The following NDC1 variants were observed in gnomAD, a reference collection of about 807,000 sequenced individuals.
The protein encoded by NDC1 is NDC1 transmembrane nucleoporin.
NDC1 carries 24 observed loss-of-function variants against 89.8 expected under a neutral mutation model. The observed-to-expected ratio is 0.27, with a 90% CI of 0.19 to 0.38. The LOEUF (loss-of-function observed/expected upper bound fraction) is 0.38. Ranked by LOEUF, NDC1 falls within the 10% of genes least tolerant of loss-of-function variation. The pLI is 1.00. For synonymous variants in NDC1, 296 were observed against 284.8 expected, an observed-to-expected ratio of 1.04 and a Z score of -0.39; for missense variants, 728 against 797.6, an observed-to-expected ratio of 0.91 and a Z score of 1.05.
intron 14 of NDC1, among the ~76,000 whole-genome samples, chr1:53,790,631 C>T (rs1247412853): frequency 6.6e-6 from 1 of 151,726 alleles, no homozygotes; most frequent in Non-Finnish European, 1.5e-5. Flanking sequence ...CGCTTGAACC[C>T]GGGAGGCAGA....
rs1647731135 is a variant in NDC1, at chr1:53,797,000, A to T, written c.1367T>A (p.Met456Lys). 1 of 1,614,160 alleles carries T rather than the reference A, an allele frequency of 6.2e-7. No individual in the cohort carries two copies. Among genetic ancestry groups the T allele is most frequent in the East Asian group, 2.2e-5 (1 of 44,890 alleles). Residue 456 changes from methionine to lysine, a missense_variant, in exon 12 of 18, where the codon ATG (methionine) becomes AAG (lysine). By Grantham distance (95) the Met-to-Lys change is moderately conservative (BLOSUM62 -1). Transcript: ENST00000371429. ...ATCAAAAATTCCAGCCATCCGATTC[A>T]TTACACTAGAGCCAAATGGGGTCCC... ...PFGTPFGSSV[M>K]NRMAGIFDVN...
At chr1:53,824,691 A>G (rs1002313014) in intron 5 of NDC1, among the ~76,000 whole-genome samples, 6 of 152,348 alleles carry the variant, frequency 3.9e-5, no homozygotes, top group African/African-American at 1.4e-4. Flanking sequence ...TCTCAGTTCC[A>G]GGAATGACTC....
intron 5 of NDC1, among the ~76,000 whole-genome samples, chr1:53,821,331 C>T (rs566464482): frequency 7.2e-5 from 11 of 152,108 alleles, no homozygotes; most frequent in Non-Finnish European, 1.5e-4. Flanking sequence ...GCAATCCCAG[C>T]TCTTTGGAAG....
intron 4 of NDC1, among the ~76,000 whole-genome samples, chr1:53,826,766 T>C (rs1439084213): frequency 2.0e-5 from 3 of 152,080 alleles, no homozygotes; most frequent in Admixed American, 2.0e-4. Flanking sequence ...GGCACACAGG[T>C]TGTAGGCCTG....
chr1:53,835,247 T>C (rs1028953789), intron 2 of NDC1, among the ~76,000 whole-genome samples: 6 of 152,186 alleles, frequency 3.9e-5, no homozygotes, highest in African/African-American at 1.4e-4. Flanking sequence ...AAACTAAGTT[T>C]TCATTTATGG....
intron 11 of NDC1, among the ~76,000 whole-genome samples, chr1:53,799,357 T>C (rs912197511): frequency 1.3e-5 from 2 of 152,326 alleles, no homozygotes; most frequent in Admixed American, 1.3e-4. Flanking sequence ...AAGTATTTGT[T>C]GAATAGAGGA....
intron 15 of NDC1, among the ~76,000 whole-genome samples, chr1:53,788,887 ACT>A (rs1334525136): frequency 6.6e-6 from 1 of 150,918 alleles, no homozygotes; most frequent in Non-Finnish European, 1.5e-5. Context: ...ACAGAGCAAA[ACT>A]CTGTCTCCAA....
In NDC1 at chr1:53,781,177, T is replaced by C. The variant is rs541836419; in HGVS notation, c.1800+5981A>G. 1.1e-4 allele frequency among the ~76,000 whole-genome samples: 16 copies of C among 152,230 alleles called. No homozygotes were observed. In the East Asian group the frequency reaches 1.7e-3, roughly 17 times the overall value. ...AGCCAAAAAAATTTTAATTATAAAATATATCATTTTGGTTCCTAACATTTT... is the reference window on the plus strand; with the variant it reads ...AGCCAAAAAAATTTTAATTATAAAACATATCATTTTGGTTCCTAACATTTT... On this transcript the variant is annotated intron_variant, in intron 16 of 17. Transcript: ENST00000371429.
intron 3 of NDC1, among the ~76,000 whole-genome samples, chr1:53,828,689 G>C (rs1648957247): frequency 6.6e-6 from 1 of 151,980 alleles, no homozygotes; most frequent in Non-Finnish European, 1.5e-5. Context: ...TTGGCTCACT[G>C]CAACCTCTGC....
At chr1:53,824,754 C>G (rs1648789000) in intron 5 of NDC1, among the ~76,000 whole-genome samples, 2 of 152,216 alleles carry the variant, frequency 1.3e-5, no homozygotes, top group Non-Finnish European at 2.9e-5. Context: ...TACTCTACCA[C>G]TCAAACCAGC....
rs142641875 is a variant in NDC1, at chr1:53,833,130, T to C, written c.179-539A>G. On this transcript the variant is annotated intron_variant, in intron 2 of 17. Transcript: ENST00000371429. Reference sequence around the variant, plus strand: ...ACCCAGTTAACATCAGACAAAACACTAGAACATGGCAAAACTTTCTTTCTT... The same window carrying C: ...ACCCAGTTAACATCAGACAAAACACCAGAACATGGCAAAACTTTCTTTCTT... 6.6e-5 allele frequency among the ~76,000 whole-genome samples: 10 copies of C among 152,298 alleles called. No homozygotes were observed. In the East Asian group the frequency reaches 1.5e-3, roughly 23 times the overall value.
At chr1:53,822,590 T>C (rs577232822) in intron 5 of NDC1, among the ~76,000 whole-genome samples, 33 of 151,906 alleles carry the variant, frequency 2.2e-4, no homozygotes, top group African/African-American at 5.8e-4. Flanking sequence ...CTTAATCCCA[T>C]TGGTAACAAT....
chr1:53,836,425 G>A (rs1473768102), intron 1 of NDC1, among the ~76,000 whole-genome samples: 5 of 150,006 alleles, frequency 3.3e-5, no homozygotes, highest in African/African-American at 4.9e-5. Flanking sequence ...ATTCCAGCCC[G>A]GGCAACAGAG....
rs1296491725 is a variant in NDC1, at chr1:53,827,986, T to C, written c.455+13A>G. On this transcript the variant is annotated intron_variant, in intron 4 of 17. Coordinates refer to ENST00000371429, the MANE Select transcript of NDC1 (RefSeq NM_018087.5). ...TAAATGAGATTCCTAAGGAAATATA[T>C]ATTTAATATTACCTGTTAGTACCAG... 4 of 1,575,932 alleles carry C rather than the reference T, an allele frequency of 2.5e-6. No individual in the cohort carries two copies. The highest frequency in any genetic ancestry group is 3.5e-6 in the Non-Finnish European group (4 of 1,156,556).
chr1:53,782,773 T>C (rs1647224183), intron 16 of NDC1, among the ~76,000 whole-genome samples: 1 of 152,212 alleles, frequency 6.6e-6, no homozygotes, highest in Non-Finnish European at 1.5e-5. Context: ...TCCTGTGACT[T>C]TGTCACCAAC....
intron 17 of NDC1, among the ~76,000 whole-genome samples, chr1:53,771,832 G>A (rs1647115526): frequency 6.6e-6 from 1 of 152,054 alleles, no homozygotes; most frequent in African/African-American, 2.4e-5. Flanking sequence ...ATATAAACAG[G>A]CTTGGCATTT....
intron 6 of NDC1, among the ~76,000 whole-genome samples, chr1:53,813,035 C>A (rs1193202873): frequency 6.6e-6 from 1 of 152,164 alleles, no homozygotes; most frequent in South Asian, 2.1e-4. Context: ...AAACATACAG[C>A]CTTTTTCAGA....
chr1:53,786,969 T>G (rs1647325605), intron 16 of NDC1, among the ~76,000 whole-genome samples, 189 bp downstream of exon 16: 1 of 152,208 alleles, frequency 6.6e-6, no homozygotes, highest in Non-Finnish European at 1.5e-5. Context: ...GTGCTAGGAT[T>G]ATAGGCATGA....
chr1:53,787,679 A>AG (rs1647348289), intron 15 of NDC1, among the ~76,000 whole-genome samples: 1 of 150,632 alleles, frequency 6.6e-6, no homozygotes, highest in Non-Finnish European at 1.5e-5. Flanking sequence ...ATAAATAAAT[A>AG]AATAAATAAA....
Sources: gnomAD v4.1 joint callset for allele counts (sites outside exome capture counted in the v4.1 genomes callset) on GRCh38, gnomAD v4.1.1 for gene constraint, MANE v1.5 for transcripts, NCBI Gene and HGNC (gene_info 2026-07-23, HGNC 2026-07-21) for gene names.